SPOCK3: variants seen among roughly 807,000 people sequenced by gnomAD.
SPOCK3 encodes SPARC (osteonectin), cwcv and kazal like domains proteoglycan 3, also known as testican-3.
Under a neutral mutation model 56.6 loss-of-function variants are expected in SPOCK3, and 30 were observed. That is an observed-to-expected ratio of 0.53 (90% CI 0.40 to 0.72). The LOEUF is 0.72. Among genes scored for constraint, SPOCK3 ranks in the 30% least tolerant of loss-of-function variants. The pLI is 0.00. For missense variants in SPOCK3, 527 were observed against 530.0 expected, an observed-to-expected ratio of 0.99 and a Z score of 0.06; for synonymous variants, 196 against 183.3, an observed-to-expected ratio of 1.07 and a Z score of -0.56.
At chr4:166,776,532 C>T (rs896684484) in intron 7 of SPOCK3, among the ~76,000 whole-genome samples, 1 of 152,170 alleles carries the variant, frequency 6.6e-6, no homozygotes, top group Admixed American at 6.5e-5. Flanking sequence ...ATTAACTCCT[C>T]ATCTTCTTAG....
At chr4:167,085,761 G>C (rs965336133) in intron 2 of SPOCK3, among the ~76,000 whole-genome samples, 1 of 152,052 alleles carries the variant, frequency 6.6e-6, no homozygotes, top group Admixed American at 6.6e-5. Context: ...GCCCTGTACA[G>C]ATGGCAACTT....
At chr4:166,990,398 T>TC (rs1747647940) in intron 4 of SPOCK3, among the ~76,000 whole-genome samples, 1 of 78,244 alleles carries the variant, frequency 1.3e-5, no homozygotes. Context: ...AATAAAAAAA[T>TC]TAAAAAAAAA....
intron 3 of SPOCK3, among the ~76,000 whole-genome samples, chr4:167,028,405 A>AAC (rs1491178517): frequency 9.4e-6 from 1 of 106,212 alleles, no homozygotes; most frequent in East Asian, 2.3e-4. Context: ...CAACAACAAC[A>AAC]AAAGAATAAT....
chr4:167,132,367 A>G (rs191059669), intron 2 of SPOCK3, among the ~76,000 whole-genome samples: 5 of 152,368 alleles, frequency 3.3e-5, no homozygotes, highest in Admixed American at 2.6e-4. Flanking sequence ...CAAGCCAAAT[A>G]TCATAAATGA....
chr4:166,848,900 C>T (rs1224563054), intron 6 of SPOCK3, among the ~76,000 whole-genome samples: 2 of 152,146 alleles, frequency 1.3e-5, no homozygotes, highest in East Asian at 3.9e-4. Context: ...CTACTTTATT[C>T]TAACAGGTGA....
At chr4:167,149,957 C>T (rs1285116741) in intron 2 of SPOCK3, among the ~76,000 whole-genome samples, 1 of 151,926 alleles carries the variant, frequency 6.6e-6, no homozygotes, top group East Asian at 1.9e-4. Flanking sequence ...CTTCTCTAAG[C>T]TTCAGGTAAT....
chr4:166,965,978 A>T (rs1305249377), intron 4 of SPOCK3, among the ~76,000 whole-genome samples: 1 of 152,044 alleles, frequency 6.6e-6, no homozygotes, highest in East Asian at 1.9e-4. Flanking sequence ...ATTCTCTAAA[A>T]ATCCTCTGTG....
At chr4:167,071,666 A>G (rs1580201376) in intron 2 of SPOCK3, among the ~76,000 whole-genome samples, 1 of 150,376 alleles carries the variant, frequency 6.6e-6, no homozygotes, top group East Asian at 1.9e-4. Context: ...TATTGTGAAT[A>G]GTGCCGCAAT....
chr4:167,232,224 G>T (rs1031739883), intron 2 of SPOCK3, among the ~76,000 whole-genome samples: 1 of 151,904 alleles, frequency 6.6e-6, no homozygotes, highest in African/African-American at 2.4e-5. Flanking sequence ...TAAAATAAGA[G>T]AATACTAAGT....
intron 2 of SPOCK3, among the ~76,000 whole-genome samples, chr4:167,227,418 T>A (rs1736699284): frequency 6.6e-6 from 1 of 152,114 alleles, no homozygotes; most frequent in African/African-American, 2.4e-5. Context: ...AGGTAAGGAT[T>A]TTTCAATTGG....
chr4:166,744,422 G>A (rs1735294319), intron 8 of SPOCK3, among the ~76,000 whole-genome samples: 1 of 152,136 alleles, frequency 6.6e-6, no homozygotes, highest in Non-Finnish European at 1.5e-5. Flanking sequence ...GCAACAATCA[G>A]AAAGGAATAG....
chr4:166,906,418 T>A (rs1221933264), intron 5 of SPOCK3, among the ~76,000 whole-genome samples: 1 of 150,452 alleles, frequency 6.6e-6, no homozygotes, highest in African/African-American at 2.4e-5. Flanking sequence ...AATTTTCCCA[T>A]CTCTGCTTCT....
At chr4:166,959,388 G>T (rs1435958242) in intron 4 of SPOCK3, among the ~76,000 whole-genome samples, 3 of 152,114 alleles carry the variant, frequency 2.0e-5, no homozygotes, top group Non-Finnish European at 4.4e-5. Flanking sequence ...GCCGAGGTAG[G>T]TGGATCACGA....
At chr4:166,920,116 C>T (rs956180523) in intron 4 of SPOCK3, among the ~76,000 whole-genome samples, 5 of 152,076 alleles carry the variant, frequency 3.3e-5, no homozygotes, top group African/African-American at 1.2e-4. Context: ...TATGGACTTC[C>T]AGGGTTATCC....
At chr4:167,109,219 T>G (rs569861642) in intron 2 of SPOCK3, among the ~76,000 whole-genome samples, 2 of 83,792 alleles carry the variant, frequency 2.4e-5, no homozygotes, top group Non-Finnish European at 4.1e-5. Flanking sequence ...ATATTATATA[T>G]AGTATATAAT....
chr4:167,232,805 T>G (rs980069642), intron 2 of SPOCK3, among the ~76,000 whole-genome samples: 1 of 152,174 alleles, frequency 6.6e-6, no homozygotes, highest in East Asian at 1.9e-4. Context: ...TCTTCAGGAA[T>G]CCCTCTGCTA....
intron 3 of SPOCK3, among the ~76,000 whole-genome samples, chr4:167,034,127 T>C (rs1462344752): frequency 6.6e-6 from 1 of 151,972 alleles, no homozygotes; most frequent in Non-Finnish European, 1.5e-5. Flanking sequence ...TTCCAGATTA[T>C]CAAAACCCTC....
In SPOCK3 at chr4:167,222,522, CATGT is replaced by C. The variant is rs1389329559; in HGVS notation, c.189+11459_189+11462del. On this transcript the variant is annotated intron_variant, in intron 2 of 10. Coordinates refer to ENST00000357545, the MANE Select transcript of SPOCK3 (RefSeq NM_001040159.2). The stretch of plus-strand genomic sequence containing the variant: ...GAATATATGAATATATAATATATAA[CATGT>C]ATGTTATAGATTCATATATGAATAT... 4.4e-5 allele frequency among the ~76,000 whole-genome samples: 6 copies of C among 134,840 alleles called. 1 individual carries two copies. The South Asian group carries it at 6.6e-4, about 15-fold the overall frequency. 88.5% of individuals were successfully genotyped at this position (134,840 alleles called of 152,430 possible). A position where few individuals can be genotyped will look rare whatever the true frequency, so the allele number is the denominator to read the frequency against.
intron 2 of SPOCK3, among the ~76,000 whole-genome samples, chr4:167,150,441 G>C (rs1404851883): frequency 1.3e-5 from 2 of 152,122 alleles, no homozygotes; most frequent in East Asian, 3.9e-4. Context: ...ACCAGGAAAG[G>C]TAGGGAAAGG....
Sources: gnomAD v4.1 joint callset for allele counts (sites outside exome capture counted in the v4.1 genomes callset) on GRCh38, gnomAD v4.1.1 for gene constraint, MANE v1.5 for transcripts, NCBI Gene and HGNC (gene_info 2026-07-23, HGNC 2026-07-21) for gene names.